The following PARD3 variants were observed in gnomAD, a reference collection of about 807,000 sequenced individuals.
The protein encoded by PARD3 is par-3 family cell polarity regulator.
A neutral mutation model predicts 155.4 loss-of-function variants in PARD3; 75 were observed. The ratio of observed to expected loss-of-function variants is 0.48; its 90% confidence interval spans 0.40 to 0.58. The LOEUF (loss-of-function observed/expected upper bound fraction) is 0.58. Ranked by LOEUF, PARD3 falls within the 20% of genes least tolerant of loss-of-function variation. The pLI, the probability that PARD3 is intolerant of heterozygous loss-of-function variation, is 0.00. For synonymous variants in PARD3, 576 were observed against 610.5 expected (o/e 0.94, Z 0.83); for missense variants, 1,642 against 1,721.7 (o/e 0.95, Z 0.82).
rs77693375 is a variant in PARD3, at chr10:34,700,406, G to A, written c.121-3987C>T. On this transcript the variant is annotated intron_variant, in intron 1 of 24. Transcript: ENST00000374788. ...AGAAAACAGTGCAAAGTCCTAAGGC[G>A]AGCTTTTGTGAGTTATGACATGTAT... Among the ~76,000 whole-genome samples, 232 of 152,326 alleles carry A rather than the reference G, an allele frequency of 1.5e-3. 1 individual carries two copies. Among genetic ancestry groups the A allele is most frequent in the African/African-American group, 1.9e-3 (77 of 41,588 alleles).
At chr10:34,519,585 G>A (rs76790356) in intron 2 of PARD3, among the ~76,000 whole-genome samples, 8,665 of 152,078 alleles carry the variant, frequency 0.057, 342 homozygotes, top group Non-Finnish European at 0.084. Flanking sequence ...AGGCCTAGGC[G>A]GGCGGATCAT....
At chr10:34,686,319 A>T (rs774127286) in intron 2 of PARD3, among the ~76,000 whole-genome samples, 3 of 152,066 alleles carry the variant, frequency 2.0e-5, no homozygotes, top group African/African-American at 7.2e-5. Flanking sequence ...TACATACTCA[A>T]GTTGCTTTTA....
chr10:34,573,728 CAAACAA>C (rs1472759596), intron 2 of PARD3, among the ~76,000 whole-genome samples: 34 of 91,718 alleles, frequency 3.7e-4, no homozygotes, highest in East Asian at 2.0e-3. Context: ...AACAAACAAA[CAAACAA>C]AAACACACAC....
intron 23 of PARD3, 116 bp from the exon 24 acceptor site, chr10:34,119,856 G>T (rs1224416960): frequency 1.0e-6 from 1 of 990,500 alleles, no homozygotes; most frequent in Non-Finnish European, 1.4e-6. Flanking sequence ...AAAATTCTGT[G>T]ATTTGTTTTT....
intron 1 of PARD3, among the ~76,000 whole-genome samples, chr10:34,808,884 T>G (rs1843729538): frequency 6.6e-6 from 1 of 152,176 alleles, no homozygotes; most frequent in Non-Finnish European, 1.5e-5. Flanking sequence ...CATTCCTACT[T>G]AGTCCTGGCA....
chr10:34,751,575 C>T (rs1331732736), intron 1 of PARD3, among the ~76,000 whole-genome samples: 8 of 152,132 alleles, frequency 5.3e-5, no homozygotes, highest in African/African-American at 1.7e-4. Flanking sequence ...GAGACACAGA[C>T]GTGGCTTCTG....
chr10:34,437,947 C>T (rs908846485), intron 5 of PARD3, among the ~76,000 whole-genome samples: 4 of 152,026 alleles, frequency 2.6e-5, no homozygotes, highest in Non-Finnish European at 4.4e-5. Context: ...CTATCTTGGG[C>T]CTATAAGAAC....
intron 4 of PARD3, among the ~76,000 whole-genome samples, chr10:34,452,321 T>C (rs1564730386): frequency 2.0e-5 from 3 of 152,326 alleles, no homozygotes; most frequent in African/African-American, 7.2e-5. Flanking sequence ...AGGGGAAACC[T>C]GTCTTTTCAG....
chr10:34,793,005 G>A (rs771338445), intron 1 of PARD3, among the ~76,000 whole-genome samples: 2 of 152,192 alleles, frequency 1.3e-5, no homozygotes, highest in Non-Finnish European at 2.9e-5. Flanking sequence ...TGGAGAATCC[G>A]CAAAGGCACC....
chr10:34,680,907 C>T (rs1229604186), intron 2 of PARD3, among the ~76,000 whole-genome samples: 1 of 150,664 alleles, frequency 6.6e-6, no homozygotes, highest in Non-Finnish European at 1.5e-5. Context: ...GTGGGTGCAG[C>T]ACACCAGCAT....
chr10:34,661,190 T>TA (rs1176252419), intron 2 of PARD3, among the ~76,000 whole-genome samples: 2 of 152,142 alleles, frequency 1.3e-5, no homozygotes, highest in African/African-American at 4.8e-5. Flanking sequence ...CTCAGTTTTT[T>TA]AAAAAAGTCA....
intron 1 of PARD3, among the ~76,000 whole-genome samples, chr10:34,803,000 T>C (rs937467922): frequency 1.1e-4 from 15 of 141,390 alleles, no homozygotes; most frequent in African/African-American, 3.8e-4. Context: ...CCAAGGCGGG[T>C]GGATCACTTG....
intron 19 of PARD3, among the ~76,000 whole-genome samples, chr10:34,322,090 G>A (rs904450736): frequency 6.6e-6 from 1 of 152,196 alleles, no homozygotes; most frequent in South Asian, 2.1e-4. Flanking sequence ...TAGCTCCAAG[G>A]GGTGAATTCA....
At chr10:34,491,497 T>C (rs926732435) in intron 3 of PARD3, among the ~76,000 whole-genome samples, 5 of 152,230 alleles carry the variant, frequency 3.3e-5, no homozygotes, top group Non-Finnish European at 7.3e-5. Flanking sequence ...ATGTTTATGT[T>C]TGTCCCTCTT....
intron 1 of PARD3, among the ~76,000 whole-genome samples, chr10:34,806,634 C>G (rs114598512): frequency 6.6e-6 from 1 of 152,210 alleles, no homozygotes; most frequent in African/African-American, 2.4e-5. Flanking sequence ...CCCAGCCAAC[C>G]CTAAGCAAAA....
chr10:34,383,253 T>C (rs1842030305), intron 8 of PARD3, among the ~76,000 whole-genome samples: 1 of 152,196 alleles, frequency 6.6e-6, no homozygotes, highest in Non-Finnish European at 1.5e-5. Flanking sequence ...AAATGGAACA[T>C]TCTCTCTACA....
At chr10:34,482,954 T>C (rs2079183835) in intron 3 of PARD3, among the ~76,000 whole-genome samples, 1 of 150,472 alleles carries the variant, frequency 6.6e-6, no homozygotes, top group Admixed American at 6.6e-5. Flanking sequence ...TTCAAGACCA[T>C]CCTGACCAAC....
intron 20 of PARD3, among the ~76,000 whole-genome samples, chr10:34,308,658 C>A (rs1957538126): frequency 6.6e-6 from 1 of 151,778 alleles, no homozygotes; most frequent in African/African-American, 2.4e-5. Context: ...TGGTTGATCT[C>A]CAAGTGAATG....
chr10:34,612,370 T>C (rs1278235491), intron 2 of PARD3, among the ~76,000 whole-genome samples: 1 of 152,130 alleles, frequency 6.6e-6, no homozygotes, highest in East Asian at 1.9e-4. Flanking sequence ...CAGAGAGAAA[T>C]TATTCTTTAG....
Sources: allele counts gnomAD v4.1 joint callset (sites outside exome capture counted in the v4.1 genomes callset), GRCh38; gene constraint gnomAD v4.1.1; transcripts MANE v1.5; gene names NCBI Gene and HGNC (gene_info 2026-07-23, HGNC 2026-07-21).